Variants in TMEM170B observed in about 807,000 individuals in gnomAD.
TMEM170B encodes transmembrane protein 170B.
A neutral mutation model predicts 13.0 loss-of-function variants in TMEM170B; 6 were observed. The ratio of observed to expected loss-of-function variants is 0.46; its 90% CI spans 0.25 to 0.91. The LOEUF (loss-of-function observed/expected upper bound fraction) is 0.91. TMEM170B is among the 40% of genes least tolerant of loss of function. The pLI, the probability that TMEM170B is intolerant of heterozygous loss-of-function variation, is 0.17. For synonymous variants in TMEM170B, 61 were observed against 64.9 expected (o/e 0.94, Z 0.29); for missense variants, 138 against 165.2 (o/e 0.84, Z 0.90).
chr6:11,545,280 C>CTCTCTCTCTGTGTG (rs1442789332), intron 1 of TMEM170B, among the ~76,000 whole-genome samples: 7 of 139,814 alleles, frequency 5.0e-5, no homozygotes, highest in African/African-American at 1.9e-4. Flanking sequence ...CTCTCTCTCT[C>CTCTCTCTCTGTGTG]TGTGTGTGTG....
chr6:11,575,229 T>A lies in TMEM170B; in HGVS notation c.269-202T>A, dbSNP rs1759858158. On this transcript the variant is annotated intron_variant, in intron 2 of 2. Coordinates refer to ENST00000379426, the MANE Select transcript of TMEM170B (RefSeq NM_001100829.3). This position sits in a 1 kb window ranked among gnomAD's most constrained non-coding sequence, Gnocchi z 4.1. The stretch of plus-strand genomic sequence containing the variant: ...TTTTGGTTGAATAGAAAAGTCTGTT[T>A]TTCAAATAAGTGGCTAAGTGTATTA... Among the ~76,000 whole-genome samples the A allele has an allele frequency of 6.6e-6, 1 of 152,154 alleles. No individual in the cohort carries two copies. Among genetic ancestry groups the A allele is most frequent in the Non-Finnish European group, 1.5e-5 (1 of 68,008 alleles).
intron 1 of TMEM170B, 113 bp downstream of exon 1, chr6:11,538,487 C>T (rs1759312664): frequency 2.5e-6 from 2 of 800,136 alleles, no homozygotes; most frequent in Non-Finnish European, 3.7e-6. Context: ...GCGCCCCGCT[C>T]GGAGCTCCAG....
At chr6:11,556,724 G>T (rs1212817808) in intron 1 of TMEM170B, among the ~76,000 whole-genome samples, 1 of 152,056 alleles carries the variant, frequency 6.6e-6, no homozygotes. Context: ...ATGGTTTTCT[G>T]CTTCTCTCCC....
At chr6:11,556,237 A>G (rs1444974196) in intron 1 of TMEM170B, among the ~76,000 whole-genome samples, 2 of 152,228 alleles carry the variant, frequency 1.3e-5, no homozygotes, top group Non-Finnish European at 2.9e-5. Context: ...CGTTAGACCA[A>G]TAGTGAGAAT....
Position 11,570,925 on chromosome 6 carries a change from G to A in TMEM170B, c.269-4506G>A, listed in dbSNP as rs540761659. On this transcript the variant is annotated intron_variant, in intron 2 of 2. Coordinates refer to ENST00000379426, the MANE Select transcript of TMEM170B (RefSeq NM_001100829.3). ...ATATAATTTTCATGTATCATGAAAT[G>A]TTAATCTCTGGATTTTAAAAAATCA... Among the ~76,000 whole-genome samples the A allele has an allele frequency of 2.6e-5, 4 of 152,246 alleles. No homozygotes were observed. The South Asian group carries it at 6.2e-4, about 24-fold the overall frequency.
chr6:11,545,910 G>A (rs1311354965), intron 1 of TMEM170B, among the ~76,000 whole-genome samples: 1 of 151,358 alleles, frequency 6.6e-6, no homozygotes, highest in African/African-American at 2.4e-5. Flanking sequence ...TACTTGGGAG[G>A]CTGAGGCAGG....
At chr6:11,558,886 A>G (rs1163815005) in intron 1 of TMEM170B, among the ~76,000 whole-genome samples, 3 of 152,240 alleles carry the variant, frequency 2.0e-5, no homozygotes, top group Non-Finnish European at 2.9e-5. Context: ...ATAATTTTCA[A>G]TGGGGGATGG....
rs1428678952 is a variant in TMEM170B at position 11,576,162 on chromosome 6, G to A, written c.*601G>A. 1 of 152,216 alleles carries A rather than the reference G, an allele frequency of 6.6e-6. No individual in the cohort carries two copies. Among genetic ancestry groups the A allele is most frequent in the African/African-American group, 2.4e-5 (1 of 41,426 alleles). 9.4% of individuals were successfully genotyped at this position (152,216 alleles called of 1,614,324 possible). A position where few individuals can be genotyped will look rare whatever the true frequency, so the allele number is the denominator to read the frequency against. ...GTTTAGGTATTATTGTTATTTAATT[G>A]ATGTGGAAGATAAGTCTTCTTAACT... On this transcript the variant is annotated 3_prime_UTR_variant, in exon 3 of 3. Transcript: ENST00000379426.
intron 2 of TMEM170B, among the ~76,000 whole-genome samples, chr6:11,570,350 A>G (rs1759783867): frequency 6.6e-6 from 1 of 152,154 alleles, no homozygotes; most frequent in Non-Finnish European, 1.5e-5. Flanking sequence ...TATATGAAAG[A>G]TTAACAAAAA....
chr6:11,574,759 C>G (rs748783781), intron 2 of TMEM170B, among the ~76,000 whole-genome samples: 1 of 152,016 alleles, frequency 6.6e-6, no homozygotes, highest in Non-Finnish European at 1.5e-5. Context: ...GAGATTCTCC[C>G]GTTCTCAGAA....
rs1274552420 is a variant in TMEM170B, at chr6:11,580,006, T to TTA, written c.*4446_*4447insAT. 1 of 153,914 alleles carries TTA rather than the reference T, an allele frequency of 6.5e-6. No homozygotes were observed. Among genetic ancestry groups the TTA allele is most frequent in the African/African-American group, 2.4e-5 (1 of 41,468 alleles). The allele number at this position is 153,914 out of a possible 1,614,324, so 9.5% of individuals were successfully genotyped here. Reference sequence around the variant, plus strand: ...GGGTGCTTAAGCCCTAGCTGTTATTTTGTTTCTTTTATTTATTTATTTTTT... The same window carrying TTA: ...GGGTGCTTAAGCCCTAGCTGTTATTTTATGTTTCTTTTATTTATTTATTTTTT... On this transcript the variant is annotated 3_prime_UTR_variant, in exon 3 of 3. Coordinates refer to ENST00000379426, the MANE Select transcript of TMEM170B (RefSeq NM_001100829.3).
At chr6:11,556,868 C>T (rs566535569) in intron 1 of TMEM170B, among the ~76,000 whole-genome samples, 2 of 152,182 alleles carry the variant, frequency 1.3e-5, no homozygotes, top group South Asian at 2.1e-4. Flanking sequence ...AGAGAAGGGT[C>T]GCAAGAAACA....
chr6:11,571,815 TA>T (rs1470807878), intron 2 of TMEM170B, among the ~76,000 whole-genome samples: 1 of 152,120 alleles, frequency 6.6e-6, no homozygotes, highest in African/African-American at 2.4e-5. Context: ...CTAGACTATA[TA>T]TTTTTTAAAA....
At chr6:11,542,442 C>T (rs1295863125) in intron 1 of TMEM170B, among the ~76,000 whole-genome samples, 1 of 152,168 alleles carries the variant, frequency 6.6e-6, no homozygotes, top group Non-Finnish European at 1.5e-5. Context: ...GCCAGTTGCT[C>T]ATTGGACCTT....
At chr6:11,549,126 A>G (rs931813690) in intron 1 of TMEM170B, among the ~76,000 whole-genome samples, 3 of 152,212 alleles carry the variant, frequency 2.0e-5, no homozygotes, top group Admixed American at 2.0e-4. Context: ...AGAGTGTAGC[A>G]TGTTGAACTT....
rs1034310048 is a variant in TMEM170B at position 11,576,891 on chromosome 6, T to G, written c.*1330T>G. ...AGCAAAAGTGGAAATGTCCTTTATA[T>G]AAAACATTTTAAGAGGTTCTGGCAA... On this transcript the variant is annotated 3_prime_UTR_variant, in exon 3 of 3. Transcript: ENST00000379426. The G allele has an allele frequency of 1.3e-5, 2 of 152,120 alleles. No homozygotes were observed. Among genetic ancestry groups the G allele is most frequent in the Non-Finnish European group, 2.9e-5 (2 of 67,956 alleles). 9.4% of individuals were successfully genotyped at this position (152,120 alleles called of 1,614,324 possible).
At chr6:11,566,922 A>G (rs955815884) in intron 2 of TMEM170B, among the ~76,000 whole-genome samples, 1 of 152,182 alleles carries the variant, frequency 6.6e-6, no homozygotes. Flanking sequence ...ATTTTGTTTT[A>G]ATGCACATGC....
chr6:11,543,891 A>G (rs1263380479), intron 1 of TMEM170B, among the ~76,000 whole-genome samples: 1 of 152,190 alleles, frequency 6.6e-6, no homozygotes, highest in African/African-American at 2.4e-5. Context: ...TGACCTTTTT[A>G]TCTTAGAGAC....
In TMEM170B at chr6:11,579,098, C is replaced by T. The variant is rs1414132459; in HGVS notation, c.*3537C>T. ...TTTTTAAATCCTAAAAAGTTTGGGACAACATTTTGCTTCCTGATTTTAGTT... is the reference window on the plus strand; with the variant it reads ...TTTTTAAATCCTAAAAAGTTTGGGATAACATTTTGCTTCCTGATTTTAGTT... On this transcript the variant is annotated 3_prime_UTR_variant, in exon 3 of 3. Coordinates refer to ENST00000379426, the MANE Select transcript of TMEM170B (RefSeq NM_001100829.3). 1 of 152,140 alleles carries T rather than the reference C, an allele frequency of 6.6e-6. No homozygotes were observed. The highest frequency in any genetic ancestry group is 1.5e-5 in the Non-Finnish European group (1 of 68,018). 9.4% of individuals were successfully genotyped at this position (152,140 alleles called of 1,614,324 possible).
Sources: gnomAD v4.1 joint callset for allele counts (sites outside exome capture counted in the v4.1 genomes callset) on GRCh38, gnomAD v4.1.1 for gene constraint, Gnocchi (gnomAD v3.1) non-coding constraint, MANE v1.5 for transcripts, NCBI Gene and HGNC (gene_info 2026-07-23, HGNC 2026-07-21) for gene names.